Variants in NOM1 observed in about 807,000 individuals in gnomAD.
NOM1 encodes the protein nucleolar protein with MIF4G domain 1.
In NOM1, 58 loss-of-function variants were observed where a neutral mutation model predicts 73.3. The observed-to-expected ratio is 0.79, with a 90% confidence interval of 0.64 to 0.99. NOM1 has a LOEUF of 0.99. Ranked by LOEUF, NOM1 falls within the 50% of genes least tolerant of loss-of-function variation. The probability of loss-of-function intolerance (pLI) is 0.00; values close to 1 mark genes in which losing one functional copy is unlikely to be tolerated. For missense variants in NOM1, 1,226 were observed against 1,131.9 expected (o/e 1.08, Z -1.19); for synonymous variants, 487 against 446.8 (o/e 1.09, Z -1.14).
chr7:156,954,147 A>C lies in NOM1; in HGVS notation c.1157A>C (p.Glu386Ala), dbSNP rs1052591603. The C allele has an allele frequency of 6.2e-7, 1 of 1,612,962 alleles. No homozygotes were observed. Among genetic ancestry groups the C allele is most frequent in the Non-Finnish European group, 8.5e-7 (1 of 1,179,654 alleles). Residue 386 changes from glutamate (E) to alanine (A), a missense_variant, in exon 3 of 11, where the codon GAA (glutamate) becomes GCA (alanine). Physicochemically the swap from Glu to Ala is moderately radical, Grantham distance 107. Transcript: ENST00000275820. ...NMASISGQLE[E>A]LYMAHSRKDM... ...GCTTCCATCAGTGGGCAGCTGGAGG[A>C]ACTGTACATGGCCCACAGCAGAAAG...
chr7:156,950,592 G>C lies in NOM1; in HGVS notation c.855G>C (p.Glu285Asp). ...EAEAQSEDDD[E>D]DTEEEQGEEK... ...AAGCGCAGAGCGAGGACGACGACGA[G>C]GATACAGAAGAGGAACAGGGGGAAG... Residue 285 changes from glutamate to aspartate, a missense_variant, in exon 1 of 11, where the codon GAG becomes GAC. By Grantham distance (45) the Glu-to-Asp change is conservative (BLOSUM62 2). Transcript: ENST00000275820. The C allele has an allele frequency of 6.3e-7, 1 of 1,588,122 alleles. No individual in the cohort carries two copies. Among genetic ancestry groups the C allele is most frequent in the Non-Finnish European group, 8.6e-7 (1 of 1,166,694 alleles).
At position 156,949,822 on chromosome 7, in the gene NOM1, G is replaced by C. The variant is rs936601081; in HGVS notation, c.85G>C (p.Gly29Arg). ...VVRMKRRGGR[G>R]PRRGPAGGGE... is the part of the protein sequence containing the mutation. ...CCGCATGAAGCGCAGAGGCGGGCGCGGGCCGCGCCGCGGTCCTGCTGGCGG... is the reference window on the plus strand; with the variant it reads ...CCGCATGAAGCGCAGAGGCGGGCGCCGGCCGCGCCGCGGTCCTGCTGGCGG... Residue 29 changes from glycine (G) to arginine (R), a missense_variant, in exon 1 of 11, where the codon GGG (glycine) becomes CGG (arginine). Coordinates refer to ENST00000275820, the MANE Select transcript of NOM1 (RefSeq NM_138400.2). 1.4e-6 allele frequency: 2 copies of C among 1,444,680 alleles called. No homozygotes were observed. The highest frequency in any genetic ancestry group is 2.6e-5 in the East Asian group (1 of 38,734). The allele number at this position is 1,444,680 out of a possible 1,614,324, so 89.5% of individuals were successfully genotyped here.
At chr7:156,954,787 G>A (rs144130619) in intron 3 of NOM1, among the ~76,000 whole-genome samples, 7 of 152,144 alleles carry the variant, frequency 4.6e-5, no homozygotes, top group African/African-American at 1.4e-4. Context: ...GATTACAGGC[G>A]GGAGCTGCCA....
intron 7 of NOM1, 71 bp downstream of exon 7, chr7:156,964,097 G>A: frequency 6.5e-7 from 1 of 1,534,320 alleles, no homozygotes; most frequent in Non-Finnish European, 8.9e-7. Context: ...TTTGCTTTTT[G>A]AGTTTTGGAC....
intron 3 of NOM1, among the ~76,000 whole-genome samples, chr7:156,956,218 T>C (rs953518394): frequency 4.0e-5 from 6 of 151,182 alleles, no homozygotes; most frequent in African/African-American, 1.5e-4. Context: ...ATGCACGGAT[T>C]TGCCAAAATG....
Position 156,949,877 on chromosome 7 carries a change from T to C in NOM1, c.140T>C (p.Leu47Pro). 1.3e-6 allele frequency: 2 copies of C among 1,527,806 alleles called. No individual in the cohort carries two copies. The highest frequency in any genetic ancestry group is 8.8e-7 in the Non-Finnish European group (1 of 1,137,548). 94.6% of individuals were successfully genotyped at this position (1,527,806 alleles called of 1,614,324 possible). ...GGEKALKRLK[L>P]AVEEFVHATS... The stretch of plus-strand genomic sequence containing the variant: ...GAGAAGGCCCTGAAGAGGCTGAAGC[T>C]AGCGGTGGAGGAGTTCGTGCACGCG... Residue 47 changes from leucine to proline, a missense_variant, in exon 1 of 11, where the codon CTA becomes CCA. Coordinates refer to ENST00000275820, the MANE Select transcript of NOM1 (RefSeq NM_138400.2).
chr7:156,951,628 G>A (rs1487582586), intron 1 of NOM1, among the ~76,000 whole-genome samples: 1 of 152,030 alleles, frequency 6.6e-6, no homozygotes. Context: ...TGAGGATCGT[G>A]CCTTGCAAAT....
At position 156,972,306 on chromosome 7, in the gene NOM1, A is replaced by G. The variant is rs1805158042; in HGVS notation, c.*2603A>G. On this transcript the variant is annotated 3_prime_UTR_variant, in exon 11 of 11. Transcript: ENST00000275820. ...TACTAAGATGGGAAAAACTATCACG[A>G]CAGTGGCACCACCTGATTTCATGAT... 6.6e-6 allele frequency: 1 copy of G among 152,224 alleles called. No homozygotes were observed. Among genetic ancestry groups the G allele is most frequent in the South Asian group, 2.1e-4 (1 of 4,836 alleles). The allele number at this position is 152,224 out of a possible 1,614,324, so 9.4% of individuals were successfully genotyped here. A position where few individuals can be genotyped will look rare whatever the true frequency, so the allele number is the denominator to read the frequency against.
chr7:156,949,893 C>T lies in NOM1; in HGVS notation c.156C>T (p.Phe52=). ...LKRLKLAVEE[F]VHATSEGEAP... ...GGCTGAAGCTAGCGGTGGAGGAGTT[C>T]GTGCACGCGACTTCGGAAGGCGAGG... Residue 52 remains phenylalanine, a synonymous_variant, in exon 1 of 11, where the codon TTC becomes TTT. Transcript: ENST00000275820. 2.6e-6 allele frequency: 4 copies of T among 1,537,114 alleles called. No individual in the cohort carries two copies. The highest frequency in any genetic ancestry group is 3.5e-6 in the Non-Finnish European group (4 of 1,142,012).
In NOM1 at chr7:156,972,160, G is replaced by A. The variant is rs1186375972; in HGVS notation, c.*2457G>A. The A allele has an allele frequency of 6.6e-6, 1 of 152,284 alleles. No homozygotes were observed. The highest frequency in any genetic ancestry group is 1.9e-4 in the East Asian group (1 of 5,202). 9.4% of individuals were successfully genotyped at this position (152,284 alleles called of 1,614,324 possible). A position where few individuals can be genotyped will look rare whatever the true frequency, so the allele number is the denominator to read the frequency against. Reference sequence around the variant, plus strand: ...CTAAATTGTGCTTCACGCCTCGGTAGATTTGCATTCTGATGCAAGCCCCCA... The same window carrying A: ...CTAAATTGTGCTTCACGCCTCGGTAAATTTGCATTCTGATGCAAGCCCCCA... On this transcript the variant is annotated 3_prime_UTR_variant, in exon 11 of 11. Coordinates refer to ENST00000275820, the MANE Select transcript of NOM1 (RefSeq NM_138400.2).
chr7:156,962,119 A>G, intron 4 of NOM1, 32 bp from the exon 5 acceptor site: 1 of 1,582,644 alleles, frequency 6.3e-7, no homozygotes. Context: ...GTTTGAAATG[A>G]TGGACTTTCC....
At chr7:156,964,272 GT>G (rs111604453) in intron 7 of NOM1, 2,886 of 203,076 alleles carry the variant, frequency 0.014, no homozygotes, top group East Asian at 0.028. Context: ...GGGGTTTGGG[GT>G]TTTTTTTTTT....
At chr7:156,957,798 A>G (rs1457530979) in intron 3 of NOM1, among the ~76,000 whole-genome samples, 1 of 150,664 alleles carries the variant, frequency 6.6e-6, no homozygotes. Flanking sequence ...AAAAAAAAAA[A>G]AAGAAAAAGA....
At position 156,972,305 on chromosome 7, in the gene NOM1, G is replaced by A. The variant is rs1334668542; in HGVS notation, c.*2602G>A. 1 of 152,200 alleles carries A rather than the reference G, an allele frequency of 6.6e-6. No individual in the cohort carries two copies. Among genetic ancestry groups the A allele is most frequent in the African/African-American group, 2.4e-5 (1 of 41,452 alleles). 9.4% of individuals were successfully genotyped at this position (152,200 alleles called of 1,614,324 possible). A position where few individuals can be genotyped will look rare whatever the true frequency, so the allele number is the denominator to read the frequency against. ...CTACTAAGATGGGAAAAACTATCAC[G>A]ACAGTGGCACCACCTGATTTCATGA... On this transcript the variant is annotated 3_prime_UTR_variant, in exon 11 of 11. Transcript: ENST00000275820.
chr7:156,951,065 C>G (rs545264050), intron 1 of NOM1, among the ~76,000 whole-genome samples: 1 of 152,316 alleles, frequency 6.6e-6, no homozygotes, highest in East Asian at 1.9e-4. Flanking sequence ...CCGAGGACAT[C>G]TGCCGTGCCC....
Position 156,970,247 on chromosome 7 carries a change from TC to T in NOM1, c.*546del, listed in dbSNP as rs1285564020. 1 of 147,594 alleles carries T rather than the reference TC, an allele frequency of 6.8e-6. No homozygotes were observed. Among genetic ancestry groups the T allele is most frequent in the East Asian group, 2.0e-4 (1 of 4,978 alleles). 9.1% of individuals were successfully genotyped at this position (147,594 alleles called of 1,614,324 possible). On this transcript the variant is annotated 3_prime_UTR_variant, in exon 11 of 11. Coordinates refer to ENST00000275820, the MANE Select transcript of NOM1 (RefSeq NM_138400.2). ...GTGAGCCAAGATTGTACCACTGTAC[TC>T]CAGCCTGGGCTGGACAGTGAGACTT...
At chr7:156,961,703 T>G (rs1374678199) in intron 4 of NOM1, among the ~76,000 whole-genome samples, 1 of 152,104 alleles carries the variant, frequency 6.6e-6, no homozygotes, top group African/African-American at 2.4e-5. Context: ...TGGGAATTCT[T>G]TGTGCTGTTC....
In NOM1 at chr7:156,949,830, C is replaced by T; in HGVS notation, c.93C>T (p.Arg31=). The T allele has an allele frequency of 6.9e-7, 1 of 1,448,760 alleles. No individual in the cohort carries two copies. Among genetic ancestry groups the T allele is most frequent in the Non-Finnish European group, 9.1e-7 (1 of 1,103,194 alleles). 89.7% of individuals were successfully genotyped at this position (1,448,760 alleles called of 1,614,324 possible). A position where few individuals can be genotyped will look rare whatever the true frequency, so the allele number is the denominator to read the frequency against. Residue 31 remains arginine (R), a synonymous_variant, in exon 1 of 11, where the codon CGC becomes CGT. Transcript: ENST00000275820. ...RMKRRGGRGP[R]RGPAGGGEKA... is the part of the protein sequence containing the mutation. ...AGCGCAGAGGCGGGCGCGGGCCGCG[C>T]CGCGGTCCTGCTGGCGGTGGGGAGA...
chr7:156,959,704 G>T, intron 3 of NOM1, 147 bp from the exon 4 acceptor site: 1 of 730,604 alleles, frequency 1.4e-6, no homozygotes, highest in Non-Finnish European at 2.2e-6. Flanking sequence ...CACTCTGGCC[G>T]GCTGCTCTGG....
Sources: gnomAD v4.1 joint callset for allele counts (sites outside exome capture counted in the v4.1 genomes callset) on GRCh38, gnomAD v4.1.1 for gene constraint, MANE v1.5 for transcripts, NCBI Gene and HGNC (gene_info 2026-07-23, HGNC 2026-07-21) for gene names.